Variants in A1CF observed in about 807,000 individuals in gnomAD.
The protein encoded by A1CF is APOBEC-1 stimulating protein.
A1CF carries 48 observed loss-of-function variants against 68.9 expected under a neutral mutation model. That is an observed-to-expected ratio of 0.70 (90% CI 0.55 to 0.89). A1CF has a LOEUF of 0.89. Among genes scored for constraint, A1CF ranks in the 40% least tolerant of loss-of-function variants. A1CF has a pLI of 0.00. For missense variants in A1CF, 653 were observed against 718.9 expected, an observed-to-expected ratio of 0.91 and a Z score of 1.05; for synonymous variants, 272 against 260.4, an observed-to-expected ratio of 1.04 and a Z score of -0.43.
intron 1 of A1CF, among the ~76,000 whole-genome samples, chr10:50,867,338 TC>T (rs1292412550): frequency 1.3e-5 from 2 of 152,022 alleles, no homozygotes; most frequent in Non-Finnish European, 2.9e-5. Flanking sequence ...AGAATTTTAT[TC>T]AGCCATGAAA....
At chr10:50,882,099 C>T (rs756968764) in intron 1 of A1CF, among the ~76,000 whole-genome samples, 9 of 152,070 alleles carry the variant, frequency 5.9e-5, no homozygotes, top group Admixed American at 1.3e-4. Flanking sequence ...ATATTCAATA[C>T]AAAATTTTAG....
At chr10:50,814,232 G>C (rs1345524657) in intron 9 of A1CF, among the ~76,000 whole-genome samples, 194 bp from the exon 10 acceptor site, 1 of 152,102 alleles carries the variant, frequency 6.6e-6, no homozygotes, top group African/African-American at 2.4e-5. Flanking sequence ...GTTTAACATA[G>C]GTGTCTCTCT....
chr10:50,861,943 T>C (rs890637646), intron 2 of A1CF, among the ~76,000 whole-genome samples: 4 of 150,250 alleles, frequency 2.7e-5, no homozygotes, highest in Non-Finnish European at 5.9e-5. Flanking sequence ...TTAGCAATAC[T>C]AATCGTAATA....
intron 5 of A1CF, among the ~76,000 whole-genome samples, chr10:50,840,228 G>GT (rs1839710288): frequency 6.7e-6 from 1 of 148,268 alleles, no homozygotes; most frequent in South Asian, 2.1e-4. Flanking sequence ...GGGATAAGAT[G>GT]TAAAAAAAAA....
At chr10:50,857,216 A>C in intron 3 of A1CF, among the ~76,000 whole-genome samples, 1 of 152,192 alleles carries the variant, frequency 6.6e-6, no homozygotes, top group Non-Finnish European at 1.5e-5. Context: ...TAAGGAGTCC[A>C]TGTATGATAT....
At chr10:50,865,973 A>G (rs994405289) in intron 1 of A1CF, among the ~76,000 whole-genome samples, 1 of 152,230 alleles carries the variant, frequency 6.6e-6, no homozygotes, top group Non-Finnish European at 1.5e-5. Flanking sequence ...GCTTGACATT[A>G]TGCTAAGTGC....
rs945258658 is a variant in A1CF at position 50,880,654 on chromosome 10, C to T, written c.-94+4927G>A. 3.3e-5 allele frequency among the ~76,000 whole-genome samples: 5 copies of T among 152,188 alleles called. No homozygotes were observed. In the East Asian group the frequency reaches 9.7e-4, roughly 29 times the overall value. ...CAGAGGCATTAGAGTTTAATTACAT[C>T]TAATAATTTAAAGTACATTTTAGTT... On this transcript the variant is annotated intron_variant, in intron 1 of 12. Coordinates refer to ENST00000373997, the MANE Select transcript of A1CF (RefSeq NM_014576.4).
At chr10:50,870,340 A>G (rs977312385) in intron 1 of A1CF, among the ~76,000 whole-genome samples, 6 of 151,926 alleles carry the variant, frequency 3.9e-5, no homozygotes, top group Non-Finnish European at 8.8e-5. Context: ...AAGTAGAATT[A>G]ATAAAACAAA....
At chr10:50,820,468 G>A (rs1390649469) in intron 8 of A1CF, 84 bp downstream of exon 8, 5 of 1,168,492 alleles carry the variant, frequency 4.3e-6, no homozygotes, top group Admixed American at 2.1e-5. Context: ...GAGTGAGACA[G>A]GCTTGCAGGA....
intron 2 of A1CF, among the ~76,000 whole-genome samples, chr10:50,863,147 C>A (rs1245688873): frequency 6.6e-6 from 1 of 152,158 alleles, no homozygotes; most frequent in African/African-American, 2.4e-5. Flanking sequence ...AGTGTCAAGT[C>A]ATTGGGAATC....
chr10:50,841,907 A>G lies in A1CF; in HGVS notation c.320T>C (p.Val107Ala). 1 of 1,613,344 alleles carries G rather than the reference A, an allele frequency of 6.2e-7. No individual in the cohort carries two copies. The highest frequency in any genetic ancestry group is 1.3e-5 in the African/African-American group (1 of 75,026). ...GYAFVTFSNK[V>A]EAKNAIKQLN... ...TTGCTTGATTGCATTCTTGGCTTCC[A>G]CTTTATTTGAAAATGTTACAAATGC... The change falls in exon 5 of 13, where the codon GTG becomes GCG. Residue 107 changes from valine to alanine, a missense_variant. Physicochemically the swap from Val to Ala is moderately conservative, Grantham distance 64. Transcript: ENST00000373997.
chr10:50,814,162 C>A (rs1838258305), intron 9 of A1CF, 124 bp from the exon 10 acceptor site: 2 of 1,007,074 alleles, frequency 2.0e-6, no homozygotes, highest in South Asian at 3.1e-5. Flanking sequence ...TTGATTATTG[C>A]CCTGAAGATG....
At chr10:50,830,491 A>G (rs919804828) in intron 6 of A1CF, among the ~76,000 whole-genome samples, 2 of 152,200 alleles carry the variant, frequency 1.3e-5, no homozygotes, top group Non-Finnish European at 2.9e-5. Context: ...GAAAACTGAA[A>G]CAGAAATCAA....
At chr10:50,854,261 T>C (rs181602329) in intron 3 of A1CF, among the ~76,000 whole-genome samples, 1 of 152,170 alleles carries the variant, frequency 6.6e-6, no homozygotes, top group East Asian at 1.9e-4. Context: ...TGTATGTGAA[T>C]AATTTTTTAA....
intron 10 of A1CF, among the ~76,000 whole-genome samples, chr10:50,812,550 G>A (rs1838166574): frequency 6.6e-6 from 1 of 152,094 alleles, no homozygotes; most frequent in African/African-American, 2.4e-5. Flanking sequence ...TACAGAATTT[G>A]CGACTATTAT....
chr10:50,843,852 T>G, intron 4 of A1CF, 136 bp downstream of exon 4: 1 of 1,090,000 alleles, frequency 9.2e-7, no homozygotes, highest in Non-Finnish European at 1.3e-6. Flanking sequence ...CACTAGAAAC[T>G]TTGTCTATAA....
intron 5 of A1CF, among the ~76,000 whole-genome samples, chr10:50,836,713 T>G (rs188761966): frequency 0.021 from 2,488 of 116,210 alleles, 36 homozygotes; most frequent in Non-Finnish European, 0.03. Flanking sequence ...CAACAGGCCC[T>G]GGTGTGTAAT....
At chr10:50,874,122 C>T (rs1225153288) in intron 1 of A1CF, among the ~76,000 whole-genome samples, 1 of 152,052 alleles carries the variant, frequency 6.6e-6, no homozygotes, top group African/African-American at 2.4e-5. Context: ...GATACAGGCT[C>T]ATTAAAGGAA....
chr10:50,884,414 A>G (rs1036749539), intron 1 of A1CF, among the ~76,000 whole-genome samples: 1 of 152,210 alleles, frequency 6.6e-6, no homozygotes, highest in African/African-American at 2.4e-5. Context: ...TATGAACCTT[A>G]TAAGTCATTT....
Sources: gnomAD v4.1 joint callset for allele counts (sites outside exome capture counted in the v4.1 genomes callset) on GRCh38, gnomAD v4.1.1 for gene constraint, MANE v1.5 for transcripts, NCBI Gene and HGNC (gene_info 2026-07-23, HGNC 2026-07-21) for gene names.